ATM: variants seen among roughly 807,000 people sequenced by gnomAD.
The protein encoded by ATM is ATM serine/threonine kinase.
In ATM, 308 loss-of-function variants were observed where a neutral mutation model predicts 387.0. That is an observed-to-expected ratio of 0.80 (90% CI 0.73 to 0.87). The LOEUF (loss-of-function observed/expected upper bound fraction) is 0.87. Among genes scored for constraint, ATM ranks in the 40% least tolerant of loss-of-function variants. The pLI is 0.00. For missense variants in ATM, 3,312 were observed against 3,560.9 expected (o/e 0.93, Z 1.78); for synonymous variants, 1,156 against 1,187.3 (o/e 0.97, Z 0.54).
At chr11:108,347,675 G>A (rs2088621337) in intron 59 of ATM, among the ~76,000 whole-genome samples, 1 of 152,104 alleles carries the variant, frequency 6.6e-6, no homozygotes, top group Non-Finnish European at 1.5e-5. Flanking sequence ...AAAACAAGGA[G>A]TAATTTTAAG....
In ATM at chr11:108,284,354, G is replaced by C. The variant is rs878853506; in HGVS notation, c.3874G>C (p.Val1292Leu). 1 of 1,614,026 alleles carries C rather than the reference G, an allele frequency of 6.2e-7. No individual in the cohort carries two copies. The highest frequency in any genetic ancestry group is 8.5e-7 in the Non-Finnish European group (1 of 1,179,958). The stretch of plus-strand genomic sequence containing the variant: ...AACAGACTGCTTTCCAAAGATTCTT[G>C]TAAATATTCTTCCTTATTTTGCCTA... Reference protein sequence around the residue: ...LLTDCFPKILVNILPYFAYEG... With the variant: ...LLTDCFPKILLNILPYFAYEG... The change falls in exon 26 of 63, where the codon GTA (valine) becomes CTA (leucine). Residue 1292 changes from valine to leucine, a missense_variant. By Grantham distance (32) the Val-to-Leu change is conservative (BLOSUM62 1). Coordinates refer to ENST00000675843, the MANE Select transcript of ATM (RefSeq NM_000051.4).
intron 4 of ATM, chr11:108,229,781 A>G (rs1020951306): frequency 6.3e-6 from 1 of 158,646 alleles, no homozygotes; most frequent in Non-Finnish European, 1.4e-5. Context: ...CTCTGTTCCT[A>G]AGTGATCCTC....
chr11:108,236,033 A>G (rs1410037188), intron 5 of ATM, 199 bp downstream of exon 5: 2 of 599,774 alleles, frequency 3.3e-6, no homozygotes, highest in Admixed American at 2.9e-5. Context: ...TGAATAATAT[A>G]TCAGGTGCCT....
intron 59 of ATM, among the ~76,000 whole-genome samples, chr11:108,353,021 G>A (rs1330561935): frequency 3.9e-5 from 6 of 152,126 alleles, no homozygotes; most frequent in Admixed American, 2.0e-4. Flanking sequence ...TGACTGCATC[G>A]ATGTCAGTAG....
At chr11:108,237,387 C>CCCTA (rs1367259604) in intron 5 of ATM, among the ~76,000 whole-genome samples, 1 of 152,158 alleles carries the variant, frequency 6.6e-6, no homozygotes, top group African/African-American at 2.4e-5. Context: ...GCAGTCTTTC[C>CCCTA]CCTAGTCTGC....
At chr11:108,342,587 C>T (rs943025909) in intron 56 of ATM, among the ~76,000 whole-genome samples, 4 of 152,124 alleles carry the variant, frequency 2.6e-5, no homozygotes, top group African/African-American at 4.8e-5. Flanking sequence ...AGCTTCATCT[C>T]TTCCCCAGCA....
intron 42 of ATM, among the ~76,000 whole-genome samples, chr11:108,316,548 AAT>A (rs1250371300): frequency 6.6e-6 from 1 of 152,096 alleles, no homozygotes; most frequent in Non-Finnish European, 1.5e-5. Context: ...TCTTCCATGA[AAT>A]ATTAGAGCCC....
Position 108,252,858 on chromosome 11 carries a change from T to C in ATM, c.1844T>C (p.Leu615Pro), listed in dbSNP as rs786203783. ...GTACTGGAGAAAATTCTTGTGAGTCTCACTATGAAAAACTGTAAAGCTGCA... is the reference window on the plus strand; with the variant it reads ...GTACTGGAGAAAATTCTTGTGAGTCCCACTATGAAAAACTGTAAAGCTGCA... ...HLVLEKILVSLTMKNCKAAMN... is the reference protein window; with the variant it reads ...HLVLEKILVSPTMKNCKAAMN... Residue 615 changes from leucine (L) to proline (P), a missense_variant, in exon 12 of 63, where the codon CTC (leucine) becomes CCC (proline). Coordinates refer to ENST00000675843, the MANE Select transcript of ATM (RefSeq NM_000051.4). 4 of 1,613,158 alleles carry C rather than the reference T, an allele frequency of 2.5e-6. No individual in the cohort carries two copies. Among genetic ancestry groups the C allele is most frequent in the Non-Finnish European group, 3.4e-6 (4 of 1,179,414 alleles).
chr11:108,247,051 G>C lies in ATM; in HGVS notation c.989G>C (p.Gly330Ala), dbSNP rs762179829. 10 of 1,613,794 alleles carry C rather than the reference G, an allele frequency of 6.2e-6. No individual in the cohort carries two copies. In the South Asian group the frequency reaches 1.1e-4, roughly 18 times the overall value. ...VNEISHIGSR[G>A]KYSSGFRNIA... ...GAGATAAGTCATATAGGAAGTAGAG[G>C]AAAGTATTCTTCAGGATTTCGTAAT... The change falls in exon 8 of 63, where the codon GGA (glycine) becomes GCA (alanine). Residue 330 changes from glycine to alanine, a missense_variant. Coordinates refer to ENST00000675843, the MANE Select transcript of ATM (RefSeq NM_000051.4).
chr11:108,325,861 G>T (rs569472397), intron 46 of ATM, among the ~76,000 whole-genome samples, 197 bp from the exon 47 acceptor site: 17 of 152,206 alleles, frequency 1.1e-4, no homozygotes, highest in African/African-American at 2.9e-4. Context: ...CATACATATA[G>T]AGAGAGACAG....
intron 40 of ATM, among the ~76,000 whole-genome samples, chr11:108,314,952 T>C (rs2084491842): frequency 6.6e-6 from 1 of 152,232 alleles, no homozygotes; most frequent in Non-Finnish European, 1.5e-5. Context: ...ATATGTACTT[T>C]AGGCCTCAAT....
rs773895161 is a variant in ATM, at chr11:108,250,784, C to T, written c.1319C>T (p.Ser440Phe). The change falls in exon 10 of 63, where the codon TCT becomes TTT. Residue 440 changes from serine (S) to phenylalanine (F), a missense_variant. Physicochemically the swap from Ser to Phe is radical, Grantham distance 155 (BLOSUM62 -2). Coordinates refer to ENST00000675843, the MANE Select transcript of ATM (RefSeq NM_000051.4). ...CELSPLLMIL[S>F]QLLPQQRHGE... ...CTGTCTCCATTACTGATGATACTAT[C>T]TCAGCTTCTACCCCAACAGCGACAT... is the stretch of plus-strand genomic sequence containing the variant. 4.3e-6 allele frequency: 7 copies of T among 1,612,746 alleles called. No homozygotes were observed. The Admixed American group carries it at 8.4e-5, about 19-fold the overall frequency.
At chr11:108,235,601 A>G in intron 4 of ATM, 69 bp from the exon 5 acceptor site, 1 of 1,335,068 alleles carries the variant, frequency 7.5e-7, no homozygotes, top group Non-Finnish European at 1.0e-6. Flanking sequence ...TTATTTAAAT[A>G]GTTGCCATTC....
At chr11:108,261,465 C>T (rs1238992835) in intron 16 of ATM, among the ~76,000 whole-genome samples, 1 of 152,112 alleles carries the variant, frequency 6.6e-6, no homozygotes, top group Non-Finnish European at 1.5e-5. Flanking sequence ...AGGACATCCA[C>T]ACCAAAAACC....
chr11:108,363,906 G>A (rs1322816323), intron 61 of ATM, among the ~76,000 whole-genome samples: 1 of 152,060 alleles, frequency 6.6e-6, no homozygotes, highest in Non-Finnish European at 1.5e-5. Context: ...CTTTTCATTA[G>A]TTCATTAATA....
Position 108,313,455 on chromosome 11 carries a change from GTC to G in ATM, c.6006+962_6006+963del, listed in dbSNP as rs545976699. ...TTCCAGTAAAATAGCACTTGCTAAT[GTC>G]TCTCATAAACTTCATGTTGCTAAGT... On this transcript the variant is annotated intron_variant, in intron 40 of 62. Transcript: ENST00000675843. Among the ~76,000 whole-genome samples, 32 of 152,034 alleles carry G rather than the reference GTC, an allele frequency of 2.1e-4. 2 individuals are homozygous for G. The East Asian group carries it at 5.2e-3, about 25-fold the overall frequency.
intron 40 of ATM, among the ~76,000 whole-genome samples, chr11:108,313,533 C>T (rs1028986698): frequency 6.6e-6 from 1 of 152,168 alleles, no homozygotes; most frequent in Non-Finnish European, 1.5e-5. Context: ...ATTAATACTT[C>T]ACATCATCAA....
intron 47 of ATM, among the ~76,000 whole-genome samples, chr11:108,327,181 G>T (rs557653836): frequency 1.3e-5 from 2 of 152,236 alleles, no homozygotes; most frequent in South Asian, 2.1e-4. Flanking sequence ...TCTGTTATTA[G>T]AGAAATCATT....
In ATM at chr11:108,299,930, C is replaced by T. The variant is rs757329023; in HGVS notation, c.5177+45C>T. On this transcript the variant is annotated intron_variant, in intron 34 of 62. Coordinates refer to ENST00000675843, the MANE Select transcript of ATM (RefSeq NM_000051.4). ...TTATATGTAATCTCAATATGACATT[C>T]ATGGAGAATGATACTTCACACAAAT... 4.6e-6 allele frequency: 7 copies of T among 1,534,090 alleles called. No homozygotes were observed. In the East Asian group the frequency reaches 1.6e-4, roughly 35 times the overall value.
Sources: gnomAD v4.1 joint callset for allele counts (sites outside exome capture counted in the v4.1 genomes callset) on GRCh38, gnomAD v4.1.1 for gene constraint, MANE v1.5 for transcripts, NCBI Gene and HGNC (gene_info 2026-07-23, HGNC 2026-07-21) for gene names.